Variants in LRRTM4 observed in about 807,000 individuals in gnomAD.
The protein encoded by LRRTM4 is leucine-rich repeat transmembrane neuronal protein 4.
Under a neutral mutation model 47.6 loss-of-function variants are expected in LRRTM4, and 25 were observed. The ratio of observed to expected loss-of-function variants is 0.53; its 90% CI spans 0.38 to 0.73. The LOEUF (loss-of-function observed/expected upper bound fraction) is 0.73, where lower values mean the gene tolerates loss of function less well. LRRTM4 is among the 30% of genes least tolerant of loss of function. The probability of loss-of-function intolerance (pLI) is 0.00; values close to 1 mark genes in which losing one functional copy is unlikely to be tolerated. For synonymous variants in LRRTM4, 311 were observed against 269.5 expected (o/e 1.15, Z -1.51); for missense variants, 638 against 713.4 (o/e 0.89, Z 1.20).
intron 3 of LRRTM4, among the ~76,000 whole-genome samples, chr2:77,222,758 A>T (rs925739667): frequency 6.6e-6 from 1 of 152,300 alleles, no homozygotes; most frequent in East Asian, 1.9e-4. Context: ...ATGGATTCAC[A>T]GCCGAATTCT....
intron 3 of LRRTM4, among the ~76,000 whole-genome samples, chr2:77,260,934 A>AAAT (rs1675903407): frequency 6.6e-6 from 1 of 152,122 alleles, no homozygotes; most frequent in Non-Finnish European, 1.5e-5. Context: ...AATAACTTCA[A>AAAT]AATAATAGTC....
intron 3 of LRRTM4, among the ~76,000 whole-genome samples, chr2:76,759,477 G>GAA (rs1673175687): frequency 6.6e-6 from 1 of 152,064 alleles, no homozygotes; most frequent in Admixed American, 6.6e-5. Flanking sequence ...TTTTAGAGAC[G>GAA]ATCTTACAGG....
chr2:76,922,558 T>C (rs1573317859), intron 3 of LRRTM4, among the ~76,000 whole-genome samples: 1 of 152,010 alleles, frequency 6.6e-6, no homozygotes, highest in Non-Finnish European at 1.5e-5. Context: ...ACCATATCAT[T>C]GTGGACCCTA....
chr2:77,429,654 A>C (rs550417761), intron 3 of LRRTM4, among the ~76,000 whole-genome samples: 1 of 152,304 alleles, frequency 6.6e-6, no homozygotes, highest in East Asian at 1.9e-4. Context: ...AATCAGAAAA[A>C]GTTGAACTCA....
At chr2:77,065,884 C>T (rs373027245) in intron 3 of LRRTM4, among the ~76,000 whole-genome samples, 93 of 152,238 alleles carry the variant, frequency 6.1e-4, no homozygotes, top group African/African-American at 2.0e-3. Context: ...CCTTATGTAT[C>T]TCACATGAAA....
chr2:76,937,572 T>C (rs990334113), intron 3 of LRRTM4, among the ~76,000 whole-genome samples: 1 of 152,188 alleles, frequency 6.6e-6, no homozygotes, highest in African/African-American at 2.4e-5. Context: ...AATCTTTCTT[T>C]TGTGTGTATG....
At chr2:76,907,411 C>A (rs903828711) in intron 3 of LRRTM4, among the ~76,000 whole-genome samples, 2 of 149,464 alleles carry the variant, frequency 1.3e-5, no homozygotes, top group Admixed American at 6.7e-5. Context: ...AAATTGACAC[C>A]CTAACATCAC....
intron 3 of LRRTM4, among the ~76,000 whole-genome samples, chr2:76,823,302 T>G (rs1181367992): frequency 1.3e-5 from 2 of 151,396 alleles, no homozygotes; most frequent in African/African-American, 2.4e-5. Flanking sequence ...CTTTCAATAA[T>G]TAGTAAAAAT....
chr2:77,094,927 A>G (rs949209160), intron 3 of LRRTM4, among the ~76,000 whole-genome samples: 3 of 152,216 alleles, frequency 2.0e-5, no homozygotes, highest in African/African-American at 7.2e-5. Context: ...AAAAATAGAC[A>G]AACTAGATTG....
chr2:76,989,234 T>C (rs1347176955), intron 3 of LRRTM4, among the ~76,000 whole-genome samples: 1 of 151,758 alleles, frequency 6.6e-6, no homozygotes, highest in Non-Finnish European at 1.5e-5. Flanking sequence ...AGATTGAAAA[T>C]TTAATAATCT....
intron 3 of LRRTM4, among the ~76,000 whole-genome samples, chr2:77,364,376 G>T (rs1187606139): frequency 2.0e-5 from 3 of 152,196 alleles, no homozygotes; most frequent in South Asian, 4.1e-4. Flanking sequence ...AGGACTTAGA[G>T]AACTACAGGA....
At chr2:77,167,029 A>G (rs572438362) in intron 3 of LRRTM4, among the ~76,000 whole-genome samples, 5 of 152,126 alleles carry the variant, frequency 3.3e-5, no homozygotes, top group African/African-American at 1.2e-4. Context: ...AACCTACAGA[A>G]TGGGAGAAAA....
At chr2:77,001,242 G>A (rs1428866651) in intron 3 of LRRTM4, among the ~76,000 whole-genome samples, 1 of 152,100 alleles carries the variant, frequency 6.6e-6, no homozygotes, top group African/African-American at 2.4e-5. Flanking sequence ...GGCCCAAAGA[G>A]AGAAGACACT....
At chr2:76,941,651 T>C (rs1303401219) in intron 3 of LRRTM4, among the ~76,000 whole-genome samples, 1 of 152,242 alleles carries the variant, frequency 6.6e-6, no homozygotes, top group Non-Finnish European at 1.5e-5. Flanking sequence ...ACTCAACCTT[T>C]ATATGGCTGC....
At chr2:77,358,445 C>G (rs892079912) in intron 3 of LRRTM4, among the ~76,000 whole-genome samples, 5 of 152,176 alleles carry the variant, frequency 3.3e-5, no homozygotes, top group Non-Finnish European at 7.3e-5. Context: ...AAGAGCATGG[C>G]ACCAAGCCAC....
intron 3 of LRRTM4, among the ~76,000 whole-genome samples, chr2:77,084,960 G>A (rs1319388007): frequency 1.3e-5 from 2 of 152,192 alleles, no homozygotes; most frequent in African/African-American, 2.4e-5. Flanking sequence ...AAAATCTATT[G>A]TAAATTCAAA....
chr2:77,082,837 T>C (rs2103860205), intron 3 of LRRTM4, among the ~76,000 whole-genome samples: 1 of 152,258 alleles, frequency 6.6e-6, no homozygotes, highest in East Asian at 1.9e-4. Flanking sequence ...TGCCTTGTTT[T>C]AAACATTATA....
intron 3 of LRRTM4, among the ~76,000 whole-genome samples, chr2:77,336,140 CAAAG>C (rs1343965135): frequency 9.4e-5 from 11 of 117,192 alleles, no homozygotes; most frequent in Non-Finnish European, 1.9e-4. Flanking sequence ...AGGACAGAAA[CAAAG>C]AAGGAAGGAA....
chr2:77,300,309 C>G (rs2104161391), intron 3 of LRRTM4, among the ~76,000 whole-genome samples: 1 of 152,260 alleles, frequency 6.6e-6, no homozygotes, highest in Admixed American at 6.5e-5. Flanking sequence ...AACATTTGTA[C>G]TAATCTTTAA....
Sources: gnomAD v4.1 joint callset for allele counts (sites outside exome capture counted in the v4.1 genomes callset) on GRCh38, gnomAD v4.1.1 for gene constraint, MANE v1.5 for transcripts, NCBI Gene and HGNC (gene_info 2026-07-23, HGNC 2026-07-21) for gene names.